PMFBP1: variants seen among roughly 807,000 people sequenced by gnomAD.
The protein encoded by PMFBP1 is polyamine-modulated factor 1-binding protein 1.
A neutral mutation model predicts 137.8 loss-of-function variants in PMFBP1; 131 were observed. The ratio of observed to expected loss-of-function variants is 0.95; its 90% CI spans 0.82 to 1.10. The LOEUF is 1.10. PMFBP1 is among the 50% of genes least tolerant of loss of function. The probability of loss-of-function intolerance (pLI) is 0.00; values close to 1 mark genes in which losing one functional copy is unlikely to be tolerated. For synonymous variants in PMFBP1, 490 were observed against 450.4 expected (o/e 1.09, Z -1.11); for missense variants, 1,199 against 1,175.4 (o/e 1.02, Z -0.29).
the PMFBP1 span, among the ~76,000 whole-genome samples, chr16:72,185,171 G>A: frequency 6.6e-6 from 1 of 152,018 alleles, no homozygotes; most frequent in Admixed American, 6.6e-5. Context: ...TTATGGCTGT[G>A]CACCATCAGG....
chr16:72,130,135 G>A (rs991280559), intron 12 of PMFBP1, 78 bp downstream of exon 12: 2 of 1,569,854 alleles, frequency 1.3e-6, no homozygotes, highest in East Asian at 2.2e-5. Context: ...GATTACAGGT[G>A]TGAGCCACTG....
intron 9 of PMFBP1, among the ~76,000 whole-genome samples, chr16:72,135,680 G>C (rs549284556): frequency 1.3e-5 from 2 of 149,792 alleles, no homozygotes; most frequent in Non-Finnish European, 3.0e-5. Flanking sequence ...TTAGGGCACA[G>C]CTCCATTAAT....
the PMFBP1 span, among the ~76,000 whole-genome samples, chr16:72,235,634 C>T: frequency 1.3e-5 from 2 of 151,808 alleles, no homozygotes; most frequent in Non-Finnish European, 2.9e-5. Context: ...CAGCTGTCTT[C>T]CAATCCATGA....
At chr16:72,142,633 G>A (rs1378894661) in intron 5 of PMFBP1, among the ~76,000 whole-genome samples, 1 of 152,154 alleles carries the variant, frequency 6.6e-6, no homozygotes, top group East Asian at 1.9e-4. Flanking sequence ...CTCAGACATG[G>A]AAATATTGAG....
Position 72,132,741 on chromosome 16 carries a change from G to T in PMFBP1, c.1447+7C>A, listed in dbSNP as rs371284010. 53 of 1,614,008 alleles carry T rather than the reference G, an allele frequency of 3.3e-5. No individual in the cohort carries two copies. The African/African-American group carries it at 6.0e-4, about 18-fold the overall frequency. ...GTGTGGTGGGACAGCACCTGCAGGG[G>T]CCTCACCAGCCAGCCTCTCCTGCTG... is the stretch of plus-strand genomic sequence containing the variant. On this transcript the variant is annotated splice_region_variant and intron_variant, in intron 10 of 20. Transcript: ENST00000237353.
Position 72,124,904 on chromosome 16 carries a change from T to A in PMFBP1, c.2452A>T (p.Met818Leu), listed in dbSNP as rs768880297. The part of the protein sequence containing the change: ...VHAFDKKLEE[M>L]SCQVLQWQKQ... ...TGCCACTGCAGCACCTGGCAGCTCA[T>A]CTCCTCTAGCTTCTTGTCAAAGGCG... Residue 818 changes from methionine (M) to leucine (L), a missense_variant, in exon 17 of 21, where the codon ATG becomes TTG. Met to Leu is a conservative substitution (Grantham distance 15). Transcript: ENST00000237353. The A allele has an allele frequency of 3.7e-6, 6 of 1,614,084 alleles. No individual in the cohort carries two copies. Among genetic ancestry groups the A allele is most frequent in the Non-Finnish European group, 5.1e-6 (6 of 1,179,992 alleles).
chr16:72,203,675 C>A, the PMFBP1 span, among the ~76,000 whole-genome samples: 1 of 152,184 alleles, frequency 6.6e-6, no homozygotes, highest in East Asian at 1.9e-4. Context: ...GCTTCCTGAT[C>A]ACCAACGAGG....
At chr16:72,166,086 C>T (rs971705497) in intron 2 of PMFBP1, among the ~76,000 whole-genome samples, 5 of 152,136 alleles carry the variant, frequency 3.3e-5, no homozygotes, top group African/African-American at 2.4e-5. Context: ...CAGATGTTAC[C>T]GTTACTGAGT....
chr16:72,209,505 A>G, the PMFBP1 span, among the ~76,000 whole-genome samples: 57 of 152,126 alleles, frequency 3.7e-4, no homozygotes, highest in African/African-American at 1.3e-3. Context: ...CCATGCATGT[A>G]CTATCTGTAT....
At chr16:72,181,875 G>T (rs373212372), upstream of PMFBP1, among the ~76,000 whole-genome samples, 1 of 152,218 alleles carries the variant, frequency 6.6e-6, no homozygotes, top group Admixed American at 6.5e-5. Context: ...TTACAGGGGT[G>T]TCCAATCTTT....
the PMFBP1 span, among the ~76,000 whole-genome samples, chr16:72,183,433 A>C: frequency 6.6e-6 from 1 of 152,050 alleles, no homozygotes; most frequent in Non-Finnish European, 1.5e-5. Context: ...TTTGCTGGCC[A>C]CCTTTGGTGC....
the PMFBP1 span, among the ~76,000 whole-genome samples, chr16:72,211,239 G>C: frequency 2.0e-5 from 3 of 152,104 alleles, no homozygotes; most frequent in South Asian, 4.2e-4. Flanking sequence ...AAAAGGCTTG[G>C]ATAAAAATCA....
At chr16:72,118,742 A>T (rs1336772629), downstream of PMFBP1, among the ~76,000 whole-genome samples, 1 of 130,746 alleles carries the variant, frequency 7.6e-6, no homozygotes. Context: ...GGAGGAATGG[A>T]ATGTGGAGCC....
intron 2 of PMFBP1, among the ~76,000 whole-genome samples, chr16:72,170,365 C>A (rs2043203794): frequency 6.6e-6 from 1 of 152,060 alleles, no homozygotes; most frequent in Non-Finnish European, 1.5e-5. Flanking sequence ...TGGGACAATC[C>A]TTTACTCATC....
chr16:72,183,020 T>C, the PMFBP1 span, among the ~76,000 whole-genome samples: 11 of 152,220 alleles, frequency 7.2e-5, no homozygotes, highest in South Asian at 2.3e-3. Context: ...CCAGAGGGTC[T>C]TGGGGCTTTC....
Position 72,139,389 on chromosome 16 carries a change from C to A in PMFBP1, c.818G>T (p.Arg273Leu). 6.2e-7 allele frequency: 1 copy of A among 1,613,430 alleles called. No individual in the cohort carries two copies. The highest frequency in any genetic ancestry group is 2.2e-5 in the East Asian group (1 of 44,878). Reference protein sequence around the residue: ...LACSNALVLEREKALIKLQAD... With the variant: ...LACSNALVLELEKALIKLQAD... ...TTGTAGTTTTATCAAAGCCTTTTCA[C>A]GCTCCAGAACCTGCAAATAAGCTTA... The change falls in exon 7 of 21, where the codon CGT (arginine) becomes CTT (leucine). Residue 273 changes from arginine (R) to leucine (L), a missense_variant. Arg to Leu is a moderately radical substitution (Grantham distance 102). Transcript: ENST00000237353.
chr16:72,245,182 A>G, the PMFBP1 span, among the ~76,000 whole-genome samples: 1 of 151,464 alleles, frequency 6.6e-6, no homozygotes, highest in Non-Finnish European at 1.5e-5. Context: ...CATTTTATAG[A>G]CAGAAAACTA....
upstream of PMFBP1, among the ~76,000 whole-genome samples, chr16:72,174,506 G>T (rs1247869956): frequency 1.3e-5 from 2 of 152,208 alleles, no homozygotes; most frequent in Non-Finnish European, 2.9e-5. Flanking sequence ...CCTAGCTAGA[G>T]TATGCCGAGG....
the PMFBP1 span, among the ~76,000 whole-genome samples, chr16:72,194,682 T>C: frequency 1.3e-5 from 2 of 152,324 alleles, no homozygotes; most frequent in African/African-American, 4.8e-5. Context: ...TCGGTAGAGA[T>C]GTGAGGTCAC....
Sources: gnomAD v4.1 joint callset for allele counts (sites outside exome capture counted in the v4.1 genomes callset) on GRCh38, gnomAD v4.1.1 for gene constraint, MANE v1.5 for transcripts, NCBI Gene and HGNC (gene_info 2026-07-23, HGNC 2026-07-21) for gene names.